The following KCNB2 variants were observed in gnomAD, a reference collection of about 807,000 sequenced individuals.
KCNB2 encodes the protein potassium voltage-gated channel subfamily B member 2.
KCNB2 carries 15 observed loss-of-function variants against 61.5 expected under a neutral mutation model. The ratio of observed to expected loss-of-function variants is 0.24; its 90% confidence interval spans 0.16 to 0.38. The LOEUF is 0.38. Ranked by LOEUF, KCNB2 falls within the 10% of genes least tolerant of loss-of-function variation. The pLI is 1.00. For missense variants in KCNB2, 828 were observed against 1,125.2 expected, an observed-to-expected ratio of 0.74 and a Z score of 3.78; for synonymous variants, 457 against 446.0, an observed-to-expected ratio of 1.02 and a Z score of -0.31.
At chr8:72,623,015 A>G (rs1805735377) in intron 2 of KCNB2, among the ~76,000 whole-genome samples, 1 of 152,094 alleles carries the variant, frequency 6.6e-6, no homozygotes, top group South Asian at 2.1e-4. Context: ...TTCTGATTTT[A>G]CCAAAATCAG....
rs200021589 is a variant in KCNB2, at chr8:72,738,342, T to G, written c.579+170029T>G. 3.2e-4 allele frequency among the ~76,000 whole-genome samples: 49 copies of G among 151,604 alleles called. No homozygotes were observed. The East Asian group carries it at 8.6e-3, about 26-fold the overall frequency. On this transcript the variant is annotated intron_variant, in intron 2 of 2. Transcript: ENST00000523207. ...TGCCGACCTTTAACTTACCCTGAAC[T>G]CTGACTGTAGGCAGGAAGCCCCTCT...
In KCNB2 at chr8:72,861,716, C is replaced by A. The variant is rs1039398430; in HGVS notation, c.580-74219C>A. Among the ~76,000 whole-genome samples, 4 of 152,236 alleles carry A rather than the reference C, an allele frequency of 2.6e-5. 1 individual carries two copies. On this transcript the variant is annotated intron_variant, in intron 2 of 2. Transcript: ENST00000523207. ...GGCCTGCCTGACCAGAAAAACAAAGCAAATGAAAGACTAATTCAAAAAAGT... is the reference window on the plus strand; with the variant it reads ...GGCCTGCCTGACCAGAAAAACAAAGAAAATGAAAGACTAATTCAAAAAAGT...
At chr8:72,667,552 T>A (rs1806497292) in intron 2 of KCNB2, among the ~76,000 whole-genome samples, 1 of 152,158 alleles carries the variant, frequency 6.6e-6, no homozygotes, top group African/African-American at 2.4e-5. Context: ...AACCTAGGAA[T>A]CATCTGTGAT....
At chr8:72,743,296 C>T (rs1173656282) in intron 2 of KCNB2, among the ~76,000 whole-genome samples, 1 of 152,154 alleles carries the variant, frequency 6.6e-6, no homozygotes, top group Admixed American at 6.5e-5. Context: ...TGTCCATAAT[C>T]GAGTTATAAA....
At chr8:72,744,860 C>T (rs574204819) in intron 2 of KCNB2, among the ~76,000 whole-genome samples, 6 of 152,284 alleles carry the variant, frequency 3.9e-5, no homozygotes, top group African/African-American at 1.4e-4. Context: ...TAAGCCAGAT[C>T]CTGAGGGCCC....
intron 2 of KCNB2, among the ~76,000 whole-genome samples, chr8:72,698,894 C>T (rs748111049): frequency 2.6e-5 from 4 of 151,936 alleles, no homozygotes; most frequent in Non-Finnish European, 4.4e-5. Context: ...AATGTAAGAC[C>T]GCAAACTATA....
At position 72,748,478 on chromosome 8, in the gene KCNB2, T is replaced by G. The variant is rs145142427; in HGVS notation, c.579+180165T>G. Among the ~76,000 whole-genome samples the G allele has an allele frequency of 5.9e-5, 9 of 152,254 alleles. No individual in the cohort carries two copies. The East Asian group carries it at 1.7e-3, about 29-fold the overall frequency. The stretch of plus-strand genomic sequence containing the variant: ...ATGATAAATCTCATGCTATTTTTAT[T>G]TCAAAGATCTGTAAGCATTCAGTGC... On this transcript the variant is annotated intron_variant, in intron 2 of 2. Coordinates refer to ENST00000523207, the MANE Select transcript of KCNB2 (RefSeq NM_004770.3).
chr8:72,754,647 C>G (rs1276752119), intron 2 of KCNB2, among the ~76,000 whole-genome samples: 1 of 152,150 alleles, frequency 6.6e-6, no homozygotes, highest in Non-Finnish European at 1.5e-5. Flanking sequence ...AAATTTATAA[C>G]TGTTATCTTG....
chr8:72,795,106 T>C (rs764260670), intron 2 of KCNB2, among the ~76,000 whole-genome samples: 6 of 152,192 alleles, frequency 3.9e-5, no homozygotes, highest in Non-Finnish European at 7.3e-5. Context: ...GTGGGATCGG[T>C]ACAAGATCAT....
intron 2 of KCNB2, among the ~76,000 whole-genome samples, chr8:72,680,725 G>T (rs1175336171): frequency 2.0e-5 from 3 of 152,120 alleles, no homozygotes; most frequent in Non-Finnish European, 4.4e-5. Context: ...ATAATGTTTA[G>T]CAGAGTGCCA....
chr8:72,559,967 T>C (rs1469741110), intron 1 of KCNB2, among the ~76,000 whole-genome samples: 1 of 152,178 alleles, frequency 6.6e-6, no homozygotes. Context: ...AGATCATATC[T>C]AAACTCCCTT....
At chr8:72,873,392 C>T (rs1022810594) in intron 2 of KCNB2, among the ~76,000 whole-genome samples, 2 of 152,232 alleles carry the variant, frequency 1.3e-5, no homozygotes, top group Non-Finnish European at 2.9e-5. Flanking sequence ...AAACCTGGCT[C>T]AGACACAAGC....
At chr8:72,768,037 T>C (rs958344846) in intron 2 of KCNB2, among the ~76,000 whole-genome samples, 1 of 152,244 alleles carries the variant, frequency 6.6e-6, no homozygotes, top group African/African-American at 2.4e-5. Context: ...TGTATTCAAA[T>C]CCTTTGCTTA....
intron 2 of KCNB2, among the ~76,000 whole-genome samples, chr8:72,719,284 T>C (rs1807505596): frequency 6.6e-6 from 1 of 152,174 alleles, no homozygotes; most frequent in African/African-American, 2.4e-5. Flanking sequence ...CATTAAATCC[T>C]GACTTTTCCA....
At chr8:72,809,430 T>C (rs943587747) in intron 2 of KCNB2, among the ~76,000 whole-genome samples, 4 of 152,136 alleles carry the variant, frequency 2.6e-5, no homozygotes, top group Non-Finnish European at 5.9e-5. Context: ...AAAGAGACAA[T>C]GTTGAACTTG....
chr8:72,875,361 C>A (rs1016122846), intron 2 of KCNB2, among the ~76,000 whole-genome samples: 6 of 152,184 alleles, frequency 3.9e-5, no homozygotes, highest in Non-Finnish European at 7.3e-5. Context: ...GCCATAGCAG[C>A]CTGGCAGCCC....
chr8:72,718,678 G>T (rs1055838510), intron 2 of KCNB2, among the ~76,000 whole-genome samples: 2 of 137,328 alleles, frequency 1.5e-5, no homozygotes, highest in Non-Finnish European at 3.1e-5. Flanking sequence ...GTGGGGGAGG[G>T]GGGAGGGATA....
Position 72,664,767 on chromosome 8 carries a change from A to G in KCNB2, c.579+96454A>G, listed in dbSNP as rs886880753. 8.5e-5 allele frequency among the ~76,000 whole-genome samples: 13 copies of G among 152,242 alleles called. 1 individual carries two copies. The highest frequency in any genetic ancestry group is 3.1e-4 in the African/African-American group (13 of 41,460). On this transcript the variant is annotated intron_variant, in intron 2 of 2. Transcript: ENST00000523207. ...TCCAGTGAAGAGAAATAGACAAAGT[A>G]AATAAGTAAAATCACAATATGTTAG...
intron 2 of KCNB2, among the ~76,000 whole-genome samples, chr8:72,639,729 G>A (rs1163954057): frequency 1.3e-5 from 2 of 152,062 alleles, no homozygotes; most frequent in African/African-American, 2.4e-5. Context: ...TTTGAAAAAT[G>A]TAGGTGCCAG....
Sources: allele counts gnomAD v4.1 joint callset (sites outside exome capture counted in the v4.1 genomes callset), GRCh38; gene constraint gnomAD v4.1.1; transcripts MANE v1.5; gene names NCBI Gene and HGNC (gene_info 2026-07-23, HGNC 2026-07-21).